KCNK17: variants seen among roughly 807,000 people sequenced by gnomAD.
KCNK17 encodes potassium channel subfamily K member 17.
Under a neutral mutation model 24.6 loss-of-function variants are expected in KCNK17, and 27 were observed. The ratio of observed to expected loss-of-function variants is 1.10; its 90% confidence interval spans 0.81 to 1.51. KCNK17 has a LOEUF of 1.51. Ranked by LOEUF, KCNK17 falls within the 40% of genes most tolerant of loss-of-function variation. The probability of loss-of-function intolerance (pLI) is 0.00; values close to 1 mark genes in which losing one functional copy is unlikely to be tolerated. For missense variants in KCNK17, 450 were observed against 436.6 expected (o/e 1.03, Z -0.27); for synonymous variants, 181 against 189.8 (o/e 0.95, Z 0.38).
At chr6:39,300,553 G>C in intron 4 of KCNK17, 1 of 1,548,334 alleles carries the variant, frequency 6.5e-7, no homozygotes, top group Non-Finnish European at 8.7e-7. Flanking sequence ...GATGAACAAT[G>C]GAACCATAAG....
At chr6:39,311,088 ACAC>A in intron 1 of KCNK17, 81 bp from the exon 2 acceptor site, 1 of 397,668 alleles carries the variant, frequency 2.5e-6, no homozygotes, top group South Asian at 4.1e-5. Context: ...ACACACACAC[ACAC>A]ACACACACAC....
At position 39,314,184 on chromosome 6, in the gene KCNK17, C is replaced by T; in HGVS notation, c.137G>A (p.Arg46His). 6.4e-7 allele frequency: 1 copy of T among 1,555,626 alleles called. No individual in the cohort carries two copies. Among genetic ancestry groups the T allele is most frequent in the South Asian group, 1.2e-5 (1 of 85,152 alleles). The change falls in exon 1 of 5, where the codon CGC becomes CAC. Residue 46 changes from arginine to histidine, a missense_variant. Physicochemically the swap from Arg to His is conservative, Grantham distance 29. Transcript: ENST00000373231. ...GTGVFWTLEG[R>H]AAQDSSRSFQ... ...GCTGCGGCTGGAGTCCTGCGCCGCG[C>T]GGCCCTCCAGCGTCCAGAACACGCC...
chr6:39,309,785 T>A (rs1386034036), intron 2 of KCNK17, among the ~76,000 whole-genome samples: 1 of 152,206 alleles, frequency 6.6e-6, no homozygotes, highest in Admixed American at 6.5e-5. Context: ...GCAGTATTTA[T>A]TGAGTGGCTG....
chr6:39,312,982 C>T (rs532901465), intron 1 of KCNK17, among the ~76,000 whole-genome samples: 16 of 152,372 alleles, frequency 1.1e-4, no homozygotes, highest in Admixed American at 9.1e-4. Flanking sequence ...GGTCCCTTCC[C>T]ACCCTGGCAC....
intron 1 of KCNK17, among the ~76,000 whole-genome samples, chr6:39,311,580 T>C: frequency 6.6e-6 from 1 of 152,098 alleles, no homozygotes; most frequent in East Asian, 1.9e-4. Context: ...CTTCATAGAG[T>C]TGTTGTGTTA....
At chr6:39,310,480 T>G (rs1331797979) in intron 2 of KCNK17, among the ~76,000 whole-genome samples, 2 of 152,036 alleles carry the variant, frequency 1.3e-5, no homozygotes, top group Non-Finnish European at 2.9e-5. Context: ...TTCTTCTTCC[T>G]TCCTAACTTT....
intron 4 of KCNK17, chr6:39,300,546 G>T: frequency 1.3e-6 from 2 of 1,549,460 alleles, no homozygotes; most frequent in South Asian, 2.4e-5. Flanking sequence ...GATTTGGGAT[G>T]AACAATGGAA....
intron 2 of KCNK17, among the ~76,000 whole-genome samples, chr6:39,307,362 C>T (rs904821876): frequency 1.3e-5 from 2 of 152,204 alleles, no homozygotes; most frequent in East Asian, 1.9e-4. Flanking sequence ...CCCCTCTGGC[C>T]TTTATGGGTT....
intron 2 of KCNK17, 55 bp downstream of exon 2, chr6:39,310,838 C>T: frequency 8.0e-7 from 1 of 1,246,444 alleles, no homozygotes; most frequent in Non-Finnish European, 1.1e-6. Context: ...TGTTGCCTCT[C>T]AGGGAGCTGC....
At chr6:39,309,575 A>G (rs1208691727) in intron 2 of KCNK17, among the ~76,000 whole-genome samples, 1 of 152,142 alleles carries the variant, frequency 6.6e-6, no homozygotes, top group South Asian at 2.1e-4. Flanking sequence ...TAGAGCTGGG[A>G]AGAGAGGTAG....
Position 39,314,376 on chromosome 6 carries a change from G to T in KCNK17, c.-56C>A, listed in dbSNP as rs1224709596. 6.5e-6 allele frequency: 8 copies of T among 1,230,450 alleles called. No homozygotes were observed. In the African/African-American group the frequency reaches 1.3e-4, roughly 20 times the overall value. 76.2% of individuals were successfully genotyped at this position (1,230,450 alleles called of 1,614,324 possible). The stretch of plus-strand genomic sequence containing the variant: ...GCGGTGGACTAGGACCCGGTGGGAG[G>T]GAAGGGCCAGGCGTCCAGCTCGTAT... On this transcript the variant is annotated 5_prime_UTR_variant, in exon 1 of 5. Coordinates refer to ENST00000373231, the MANE Select transcript of KCNK17 (RefSeq NM_031460.4).
At position 39,314,300 on chromosome 6, in the gene KCNK17, C is replaced by T. The variant is rs771317153; in HGVS notation, c.21G>A (p.Arg7=). MYRPRA[R]AAPEGRVRGC... The stretch of plus-strand genomic sequence containing the variant: ...CCCGGACCCTGCCCTCGGGAGCCGC[C>T]CGGGCTCGCGGTCGGTACATAGCGG... The change falls in exon 1 of 5, where the codon CGG becomes CGA. Residue 7 remains arginine (R), a synonymous_variant. Transcript: ENST00000373231. 9.6e-6 allele frequency: 14 copies of T among 1,462,230 alleles called. No individual in the cohort carries two copies. In the African/African-American group the frequency reaches 1.8e-4, roughly 18 times the overall value. 90.6% of individuals were successfully genotyped at this position (1,462,230 alleles called of 1,614,324 possible). A position where few individuals can be genotyped will look rare whatever the true frequency, so the allele number is the denominator to read the frequency against.
At chr6:39,312,180 G>A (rs1460894088) in intron 1 of KCNK17, among the ~76,000 whole-genome samples, 1 of 152,196 alleles carries the variant, frequency 6.6e-6, no homozygotes, top group Non-Finnish European at 1.5e-5. Flanking sequence ...GTGAGGGTGT[G>A]TGGACATGGG....
Position 39,304,034 on chromosome 6 carries a change from T to C in KCNK17, c.611A>G (p.Glu204Gly). Residue 204 changes from glutamate (E) to glycine (G), a missense_variant, in exon 4 of 5, where the codon GAG becomes GGG. Transcript: ENST00000373231. ...GAAGCCCTCTGTGTAGCTCCAGCCCTCCATGTGGGAGAAGAGCAGCGGTGG... is the reference window on the plus strand; with the variant it reads ...GAAGCCCTCTGTGTAGCTCCAGCCCCCCATGTGGGAGAAGAGCAGCGGTGG... ...LLPPLLFSHM[E>G]GWSYTEGFYF... is the part of the protein sequence containing the mutation. 2 of 1,613,830 alleles carry C rather than the reference T, an allele frequency of 1.2e-6. No individual in the cohort carries two copies. Among genetic ancestry groups the C allele is most frequent in the Non-Finnish European group, 1.7e-6 (2 of 1,179,986 alleles).
chr6:39,313,214 C>T (rs948681081), intron 1 of KCNK17, among the ~76,000 whole-genome samples: 2 of 152,236 alleles, frequency 1.3e-5, no homozygotes, highest in African/African-American at 4.8e-5. Context: ...ATGCGCCACC[C>T]CTAGAACCCT....
chr6:39,306,337 C>A (rs1318610026), intron 2 of KCNK17, among the ~76,000 whole-genome samples: 1 of 152,210 alleles, frequency 6.6e-6, no homozygotes, highest in Non-Finnish European at 1.5e-5. Context: ...AGCCACCGCA[C>A]CCGGCCTGGG....
In KCNK17 at chr6:39,314,178, G is replaced by T; in HGVS notation, c.143C>A (p.Ala48Glu). 1 of 1,558,486 alleles carries T rather than the reference G, an allele frequency of 6.4e-7. No homozygotes were observed. Residue 48 changes from alanine (A) to glutamate (E), a missense_variant, in exon 1 of 5, where the codon GCG (alanine) becomes GAG (glutamate). Transcript: ENST00000373231. ...CTGGAAGCTGCGGCTGGAGTCCTGCGCCGCGCGGCCCTCCAGCGTCCAGAA... is the reference window on the plus strand; with the variant it reads ...CTGGAAGCTGCGGCTGGAGTCCTGCTCCGCGCGGCCCTCCAGCGTCCAGAA... The part of the protein sequence containing the change: ...GVFWTLEGRA[A>E]QDSSRSFQRD...
chr6:39,304,361 C>T, intron 3 of KCNK17, 134 bp downstream of exon 3: 1 of 868,908 alleles, frequency 1.2e-6, no homozygotes, highest in Non-Finnish European at 1.8e-6. Context: ...CTATTCTGAG[C>T]AGTGACCCCC....
intron 1 of KCNK17, among the ~76,000 whole-genome samples, chr6:39,313,749 C>T (rs1762202958): frequency 6.6e-6 from 1 of 152,060 alleles, no homozygotes; most frequent in Non-Finnish European, 1.5e-5. Context: ...CGCGCGCCCC[C>T]TGCCGTAGTC....
Sources: allele counts gnomAD v4.1 joint callset (sites outside exome capture counted in the v4.1 genomes callset), GRCh38; gene constraint gnomAD v4.1.1; transcripts MANE v1.5; gene names NCBI Gene and HGNC (gene_info 2026-07-23, HGNC 2026-07-21).